Variants in RPS6KA2 observed in about 807,000 individuals in gnomAD.
RPS6KA2 encodes ribosomal protein S6 kinase alpha-2.
Under a neutral mutation model 91.8 loss-of-function variants are expected in RPS6KA2, and 42 were observed. That is an observed-to-expected ratio of 0.46 (90% CI 0.36 to 0.59). RPS6KA2 has a LOEUF of 0.59. Ranked by LOEUF, RPS6KA2 falls within the 20% of genes least tolerant of loss-of-function variation. The probability of loss-of-function intolerance (pLI) is 0.00; values close to 1 mark genes in which losing one functional copy is unlikely to be tolerated. For synonymous variants in RPS6KA2, 414 were observed against 393.6 expected (o/e 1.05, Z -0.61); for missense variants, 798 against 978.5 (o/e 0.82, Z 2.46).
chr6:166,575,227 T>G (rs2128512060), intron 1 of RPS6KA2, among the ~76,000 whole-genome samples: 1 of 152,302 alleles, frequency 6.6e-6, no homozygotes, highest in South Asian at 2.1e-4. Context: ...ATAACTACAA[T>G]GATTCATGTG....
At chr6:166,731,295 G>A (rs555812120) in intron 2 of RPS6KA2, among the ~76,000 whole-genome samples, 1 of 152,106 alleles carries the variant, frequency 6.6e-6, no homozygotes, top group African/African-American at 2.4e-5. Flanking sequence ...CAATGAAGAG[G>A]CAAGTATGTT....
rs71032871 is a variant in RPS6KA2, at chr6:166,641,719, C to CAAA, written c.124-102938_124-102936dup. Among the ~76,000 whole-genome samples the CAAA allele has an allele frequency of 2.2e-3, 63 of 28,540 alleles. 7 individuals are homozygous for CAAA. The highest frequency in any genetic ancestry group is 2.5e-3 in the African/African-American group (29 of 11,676). The allele number at this position is 28,540 out of a possible 152,430, so 18.7% of individuals were successfully genotyped here. A position where few individuals can be genotyped will look rare whatever the true frequency, so the allele number is the denominator to read the frequency against. On this transcript the variant is annotated intron_variant, in intron 2 of 21. Coordinates refer to the RPS6KA2 transcript ENST00000503859. ...TGGGTAAAAGAGTGAGACTCTGTCA[C>CAAA]AAAAAAAAAAAAAAAAAAAAAAAAA... is the stretch of plus-strand genomic sequence containing the variant.
intron 2 of RPS6KA2, among the ~76,000 whole-genome samples, chr6:166,647,368 T>A (rs1380605023): frequency 2.6e-5 from 4 of 152,162 alleles, no homozygotes; most frequent in Admixed American, 2.0e-4. Context: ...TGGCTTCATC[T>A]CTTCTTGCCG....
intron 9 of RPS6KA2, 53 bp from the exon 10 acceptor site, chr6:166,488,974 T>A: frequency 6.9e-7 from 1 of 1,450,022 alleles, no homozygotes; most frequent in South Asian, 1.2e-5. Context: ...AAGGACAAGC[T>A]ATAAAGAGGG....
At position 166,849,955 on chromosome 6, in the gene RPS6KA2, G is replaced by A. The variant is rs1460900126; in HGVS notation, c.123+8245C>T. 1.3e-5 allele frequency among the ~76,000 whole-genome samples: 2 copies of A among 152,026 alleles called. No homozygotes were observed. The highest frequency in any genetic ancestry group is 2.4e-5 in the African/African-American group (1 of 41,390). On this transcript the variant is annotated intron_variant, in intron 2 of 21. Transcript: ENST00000503859. This position sits in a 1 kb window ranked among gnomAD's most constrained non-coding sequence, Gnocchi z 4.9. The stretch of plus-strand genomic sequence containing the variant: ...CTCCACCAGAGAAGTGTGAGACTCC[G>A]GGTTCAGGAACGAGGGGCACTCACG...
rs1372081215 is a variant in RPS6KA2 at position 166,681,188 on chromosome 6, A to G, written c.124-142404T>C. Among the ~76,000 whole-genome samples, 3 of 152,338 alleles carry G rather than the reference A, an allele frequency of 2.0e-5. No homozygotes were observed. In the East Asian group the frequency reaches 5.8e-4, roughly 29 times the overall value. ...CTGCGTTTAGAAAATGCAAGGAAGG[A>G]TGTACCAAAACTGCAGGTTACAACA... On this transcript the variant is annotated intron_variant, in intron 2 of 21. Coordinates refer to the RPS6KA2 transcript ENST00000503859.
intron 11 of RPS6KA2, among the ~76,000 whole-genome samples, chr6:166,464,991 A>AAATAAAT (rs1780466331): frequency 6.6e-6 from 1 of 150,736 alleles, no homozygotes; most frequent in Non-Finnish European, 1.5e-5. Flanking sequence ...TTTACTTAAA[A>AAATAAAT]AAATAAATAA....
rs991988869 is a variant in RPS6KA2 at position 166,767,945 on chromosome 6, T to C, written c.123+90255A>G. The stretch of plus-strand genomic sequence containing the variant: ...TCCACGACTGTGGAGTCTGCCTCTG[T>C]GTCCCCACATGTAAAATCGCTACCT... On this transcript the variant is annotated intron_variant, in intron 2 of 21. Coordinates refer to the RPS6KA2 transcript ENST00000503859. The surrounding 1 kb of genome is among the most constrained non-coding windows in gnomAD (Gnocchi z 4.6). 2.0e-5 allele frequency among the ~76,000 whole-genome samples: 3 copies of C among 152,188 alleles called. No homozygotes were observed. Among genetic ancestry groups the C allele is most frequent in the African/African-American group, 7.2e-5 (3 of 41,438 alleles).
rs562791948 is a variant in RPS6KA2 at position 166,604,947 on chromosome 6, G to A, written c.99+21974C>T. Among the ~76,000 whole-genome samples, 16 of 152,106 alleles carry A rather than the reference G, an allele frequency of 1.1e-4. No individual in the cohort carries two copies. In the South Asian group the frequency reaches 2.3e-3, roughly 22 times the overall value. On this transcript the variant is annotated intron_variant, in intron 1 of 20. Coordinates refer to ENST00000265678, the MANE Select transcript of RPS6KA2 (RefSeq NM_021135.6). ...TAAGACTTAATCCAATTATATTATC[G>A]GGATTGATATCTATAAGTCTCTAAT...
At chr6:166,521,635 A>G (rs1233151293) in intron 3 of RPS6KA2, among the ~76,000 whole-genome samples, 1 of 152,222 alleles carries the variant, frequency 6.6e-6, no homozygotes, top group East Asian at 1.9e-4. Context: ...AGGATGAATC[A>G]TACCTTGGAT....
chr6:166,542,134 CTG>C (rs1783678832), intron 1 of RPS6KA2, among the ~76,000 whole-genome samples: 1 of 152,198 alleles, frequency 6.6e-6, no homozygotes, highest in South Asian at 2.1e-4. Flanking sequence ...GGCGCGCACT[CTG>C]GGGTCTGTGT....
At chr6:166,614,829 C>T (rs1786344476) in intron 1 of RPS6KA2, among the ~76,000 whole-genome samples, 1 of 152,230 alleles carries the variant, frequency 6.6e-6, no homozygotes, top group African/African-American at 2.4e-5. Context: ...TCTGCCTCCT[C>T]TCACGAGGAC....
In RPS6KA2 at chr6:166,770,010, C is replaced by T. The variant is rs79393102; in HGVS notation, c.123+88190G>A. Among the ~76,000 whole-genome samples the T allele has an allele frequency of 2.1e-3, 317 of 152,314 alleles. 1 individual carries two copies. The highest frequency in any genetic ancestry group is 6.6e-3 in the South Asian group (32 of 4,826). On this transcript the variant is annotated intron_variant, in intron 2 of 21. Transcript: ENST00000503859. This position sits in a 1 kb window ranked among gnomAD's most constrained non-coding sequence, Gnocchi z 5.1. ...TATTTTTGTTTCAAATGAACTACAG[C>T]GCAGTTTAACGTATCAATGTAGATG...
At chr6:166,542,299 AT>A (rs1783685519) in intron 1 of RPS6KA2, 1 of 152,256 alleles carries the variant, frequency 6.6e-6, no homozygotes, top group African/African-American at 2.4e-5. Flanking sequence ...TCATTTTGAA[AT>A]ATGTGCCTTT....
chr6:166,846,865 T>C (rs561215507), intron 2 of RPS6KA2, among the ~76,000 whole-genome samples: 1 of 152,140 alleles, frequency 6.6e-6, no homozygotes, highest in African/African-American at 2.4e-5. Context: ...GCCAGAACAA[T>C]CACACAAGAG....
At chr6:166,669,183 C>T (rs1414288577) in intron 2 of RPS6KA2, among the ~76,000 whole-genome samples, 4 of 152,266 alleles carry the variant, frequency 2.6e-5, no homozygotes, top group Non-Finnish European at 2.9e-5. Flanking sequence ...CATGAGCCCC[C>T]GTGCCTGGCC....
At chr6:166,449,788 ATGGGAG>A (rs1779795427) in intron 13 of RPS6KA2, among the ~76,000 whole-genome samples, 2 of 115,040 alleles carry the variant, frequency 1.7e-5, no homozygotes, top group Admixed American at 1.9e-4. Flanking sequence ...AGGGACCACC[ATGGGAG>A]CCACCACGGG....
At chr6:166,834,788 T>C (rs1283516879) in intron 2 of RPS6KA2, among the ~76,000 whole-genome samples, 1 of 151,974 alleles carries the variant, frequency 6.6e-6, no homozygotes, top group Non-Finnish European at 1.5e-5. Flanking sequence ...TTTCTGACAG[T>C]GTCTTTTCAA....
At position 166,508,957 on chromosome 6, in the gene RPS6KA2, C is replaced by G. The variant is rs1782366389; in HGVS notation, c.380-675G>C. Among the ~76,000 whole-genome samples the G allele has an allele frequency of 6.6e-6, 1 of 152,186 alleles. No individual in the cohort carries two copies. The highest frequency in any genetic ancestry group is 1.5e-5 in the Non-Finnish European group (1 of 68,038). On this transcript the variant is annotated intron_variant, in intron 4 of 20. Transcript: ENST00000265678. The surrounding 1 kb of genome is among the most constrained non-coding windows in gnomAD (Gnocchi z 4.3). ...GAGCACGGGAGGGTCTAGAGAAGCC[C>G]GTCACCATCGCTGCTGTGACGATGG...
Sources: allele counts gnomAD v4.1 joint callset (sites outside exome capture counted in the v4.1 genomes callset), GRCh38; gene constraint gnomAD v4.1.1; non-coding constraint Gnocchi (gnomAD v3.1); transcripts MANE v1.5; gene names NCBI Gene and HGNC (gene_info 2026-07-23, HGNC 2026-07-21).